Variants in CDH4 observed in about 807,000 individuals in gnomAD.
CDH4 encodes cadherin 4.
Under a neutral mutation model 86.0 loss-of-function variants are expected in CDH4, and 33 were observed. That is an observed-to-expected ratio of 0.38 (90% CI 0.29 to 0.51). The LOEUF is 0.51. Ranked by LOEUF, CDH4 falls within the 20% of genes least tolerant of loss-of-function variation. The pLI, the probability that CDH4 is intolerant of heterozygous loss-of-function variation, is 0.86. For missense variants in CDH4, 1,114 were observed against 1,307.4 expected, an observed-to-expected ratio of 0.85 and a Z score of 2.28; for synonymous variants, 555 against 549.4, an observed-to-expected ratio of 1.01 and a Z score of -0.14.
At chr20:61,787,079 G>A (rs1205760211) in intron 4 of CDH4, among the ~76,000 whole-genome samples, 5 of 152,040 alleles carry the variant, frequency 3.3e-5, no homozygotes, top group African/African-American at 1.2e-4. Flanking sequence ...GGCTGTGGTG[G>A]CCATTATCCA....
At chr20:61,611,590 A>C (rs2086685697) in intron 2 of CDH4, among the ~76,000 whole-genome samples, 1 of 152,090 alleles carries the variant, frequency 6.6e-6, no homozygotes, top group South Asian at 2.1e-4. Flanking sequence ...CCTCTGGGCC[A>C]CATTTGGGTT....
At chr20:61,331,661 G>T (rs1215054206) in intron 2 of CDH4, among the ~76,000 whole-genome samples, 1,998 of 46,098 alleles carry the variant, frequency 0.043, no homozygotes, top group South Asian at 0.07. Flanking sequence ...CCAGCCACCT[G>T]CCCCAGGCTC....
intron 2 of CDH4, among the ~76,000 whole-genome samples, chr20:61,258,197 G>A (rs2084109368): frequency 6.6e-6 from 1 of 151,988 alleles, no homozygotes; most frequent in Non-Finnish European, 1.5e-5. Flanking sequence ...GGGCGCGGTG[G>A]CGGGAGCCTG....
intron 7 of CDH4, among the ~76,000 whole-genome samples, chr20:61,884,664 A>G (rs1312384375): frequency 6.6e-6 from 1 of 152,048 alleles, no homozygotes; most frequent in African/African-American, 2.4e-5. Flanking sequence ...CCTGCATTTG[A>G]AGGCTGAAGG....
rs1242974522 is a variant in CDH4, at chr20:61,367,237, A to G, written c.169+112300A>G. ...GGGGCTCCCTGAGATCACATTTCCT[A>G]ACACACCTGAGAGTGTCTTCAGTTA... On this transcript the variant is annotated intron_variant, in intron 2 of 15. Coordinates refer to ENST00000614565, the MANE Select transcript of CDH4 (RefSeq NM_001794.5). Among the ~76,000 whole-genome samples the G allele has an allele frequency of 2.7e-5, 4 of 145,626 alleles. No individual in the cohort carries two copies. The South Asian group carries it at 6.5e-4, about 24-fold the overall frequency.
rs1371092273 is a variant in CDH4 at position 61,724,430 on chromosome 20, A to G, written c.170-19133A>G. On this transcript the variant is annotated intron_variant, in intron 2 of 15. Transcript: ENST00000614565. Reference sequence around the variant, plus strand: ...ACTCTGGAATGTGTGAGCTGAGTACAGTGGGCTCAGTGAGAAAGCTCAGCC... The same window carrying G: ...ACTCTGGAATGTGTGAGCTGAGTACGGTGGGCTCAGTGAGAAAGCTCAGCC... 2.6e-5 allele frequency among the ~76,000 whole-genome samples: 4 copies of G among 152,194 alleles called. No homozygotes were observed. In the East Asian group the frequency reaches 5.8e-4, roughly 22 times the overall value.
intron 2 of CDH4, chr20:61,434,873 C>T (rs2085272085): frequency 6.6e-6 from 1 of 151,932 alleles, no homozygotes; most frequent in South Asian, 2.1e-4. Flanking sequence ...CTTCATGGGG[C>T]CCCTGCAATT....
At chr20:61,507,929 C>A (rs966468957) in intron 2 of CDH4, among the ~76,000 whole-genome samples, 1 of 152,186 alleles carries the variant, frequency 6.6e-6, no homozygotes, top group Non-Finnish European at 1.5e-5. Context: ...ATAAAAGGCT[C>A]GCTTTAAAAT....
At chr20:61,875,768 C>T (rs1213605964) in intron 7 of CDH4, among the ~76,000 whole-genome samples, 1 of 152,166 alleles carries the variant, frequency 6.6e-6, no homozygotes, top group Non-Finnish European at 1.5e-5. Context: ...GCCCTGGTCC[C>T]GTCATTCAGC....
intron 2 of CDH4, among the ~76,000 whole-genome samples, chr20:61,267,734 G>C (rs1006665411): frequency 1.6e-4 from 24 of 152,286 alleles, no homozygotes; most frequent in African/African-American, 5.3e-4. Flanking sequence ...AGACAGAGAG[G>C]AGAGGCACAC....
intron 2 of CDH4, among the ~76,000 whole-genome samples, chr20:61,445,013 C>A (rs558690633): frequency 2.6e-5 from 4 of 152,110 alleles, no homozygotes; most frequent in African/African-American, 9.6e-5. Context: ...GTGTGTTTCT[C>A]TGTGGCTGTG....
chr20:61,386,353 C>G (rs6121430), intron 2 of CDH4, among the ~76,000 whole-genome samples: 37,449 of 152,106 alleles, frequency 0.25, 4,995 homozygotes, highest in African/African-American at 0.34. Flanking sequence ...TGACACCCTC[C>G]TCCAGACAGG....
Position 61,852,895 on chromosome 20 carries a change from C to T in CDH4, c.874C>T (p.Pro292Ser), listed in dbSNP as rs779601818. The change falls in exon 6 of 16, where the codon CCA (proline) becomes TCA (serine). Residue 292 changes from proline (P) to serine (S), a missense_variant. Around this residue, in one of 3 missense-constraint regions of CDH4, gnomAD observed 705 missense variants for 914.1 expected, o/e 0.77. Transcript: ENST00000614565. Reference sequence around the variant, plus strand: ...CGGCTCCGTGGACGAGGGCTCCAAGCCAGGTGAGGCCTTTAGCGTTTGCTT... The same window carrying T: ...CGGCTCCGTGGACGAGGGCTCCAAGTCAGGTGAGGCCTTTAGCGTTTGCTT... ...YNGSVDEGSK[P>S]GTYVMTVTAN... is the part of the protein sequence containing the mutation. The T allele has an allele frequency of 6.2e-7, 1 of 1,613,806 alleles. No homozygotes were observed. The highest frequency in any genetic ancestry group is 8.5e-7 in the Non-Finnish European group (1 of 1,179,866).
intron 2 of CDH4, among the ~76,000 whole-genome samples, chr20:61,324,205 G>A (rs888259874): frequency 2.6e-5 from 4 of 152,160 alleles, no homozygotes; most frequent in African/African-American, 9.7e-5. Context: ...GAGGGCCAGG[G>A]ATGCTGGGCC....
At chr20:61,380,663 C>T (rs958073730) in intron 2 of CDH4, among the ~76,000 whole-genome samples, 5 of 152,148 alleles carry the variant, frequency 3.3e-5, no homozygotes, top group African/African-American at 1.2e-4. Flanking sequence ...CAAACTCAGA[C>T]CCACTGTCAC....
chr20:61,930,539 C>T (rs1184759376), intron 13 of CDH4, among the ~76,000 whole-genome samples: 5 of 152,178 alleles, frequency 3.3e-5, no homozygotes, highest in Non-Finnish European at 1.5e-5. Context: ...ACCACCTCCC[C>T]AGTTCACACC....
At chr20:61,706,367 G>C (rs1177135337) in intron 2 of CDH4, among the ~76,000 whole-genome samples, 1 of 152,140 alleles carries the variant, frequency 6.6e-6, no homozygotes, top group Non-Finnish European at 1.5e-5. Context: ...ACCACCCGAG[G>C]CACCGACAAC....
chr20:61,647,890 C>T (rs557704266), intron 2 of CDH4, among the ~76,000 whole-genome samples: 11 of 152,306 alleles, frequency 7.2e-5, no homozygotes, highest in African/African-American at 2.2e-4. Flanking sequence ...AAGCACAAAC[C>T]GAGACTGGCA....
In CDH4 at chr20:61,583,602, G is replaced by A. The variant is rs1420860390; in HGVS notation, c.170-159961G>A. Among the ~76,000 whole-genome samples the A allele has an allele frequency of 2.0e-5, 3 of 152,176 alleles. No homozygotes were observed. The East Asian group carries it at 5.8e-4, about 29-fold the overall frequency. On this transcript the variant is annotated intron_variant, in intron 2 of 15. Coordinates refer to ENST00000614565, the MANE Select transcript of CDH4 (RefSeq NM_001794.5). ...GTTGTCCCTGGGAGCCCGTGCCCTA[G>A]AGGGACTACCCCACACATGGCTGGG... is the stretch of plus-strand genomic sequence containing the variant.
Sources: gnomAD v4.1 joint callset for allele counts (sites outside exome capture counted in the v4.1 genomes callset) on GRCh38, gnomAD v4.1.1 for gene constraint, gnomAD v4.1.1 regional missense constraint, MANE v1.5 for transcripts, NCBI Gene and HGNC (gene_info 2026-07-23, HGNC 2026-07-21) for gene names.